MYRFL: variants seen among roughly 807,000 people sequenced by gnomAD.
The protein encoded by MYRFL is myelin regulatory factor like, also known as myelin regulatory factor-like protein.
A neutral mutation model predicts 109.4 loss-of-function variants in MYRFL; 88 were observed. The observed-to-expected ratio is 0.80, with a 90% CI of 0.68 to 0.96. The LOEUF is 0.96. MYRFL is among the 40% of genes least tolerant of loss of function. MYRFL has a pLI of 0.00. For synonymous variants in MYRFL, 324 were observed against 320.9 expected, an observed-to-expected ratio of 1.01 and a Z score of -0.10; for missense variants, 957 against 954.9, an observed-to-expected ratio of 1.00 and a Z score of -0.03.
chr12:69,877,581 G>A (rs1885767293), intron 2 of MYRFL, among the ~76,000 whole-genome samples: 1 of 151,926 alleles, frequency 6.6e-6, no homozygotes, highest in South Asian at 2.1e-4. Context: ...GGTCTGCTGG[G>A]GTCTCTGCTC....
chr12:69,869,229 C>T (rs993565042), intron 2 of MYRFL, among the ~76,000 whole-genome samples: 1 of 152,200 alleles, frequency 6.6e-6, no homozygotes, highest in East Asian at 1.9e-4. Context: ...GGCACCCAGG[C>T]ATTTTTCTTA....
Position 69,897,190 on chromosome 12 carries a change from A to C in MYRFL, c.1126A>C (p.Asn376His), listed in dbSNP as rs1954023779. 5 of 1,535,824 alleles carry C rather than the reference A, an allele frequency of 3.3e-6. No individual in the cohort carries two copies. The highest frequency in any genetic ancestry group is 4.4e-6 in the Non-Finnish European group (5 of 1,146,670). ...GTTGGTGGTTGGACTGTATGCTGCT[A>C]ACCAAGACCAGTTCTATCTGTTGTC... is the stretch of plus-strand genomic sequence containing the variant. ...FMLVVGLYAANQDQFYLLSAH... is the reference protein window; with the variant it reads ...FMLVVGLYAAHQDQFYLLSAH... Residue 376 changes from asparagine (N) to histidine (H), a missense_variant, in exon 10 of 25, where the codon AAC becomes CAC. Transcript: ENST00000552032.
Position 69,850,304 on chromosome 12 carries a change from T to C in MYRFL, c.47-4976T>C, listed in dbSNP as rs553829713. On this transcript the variant is annotated intron_variant, in intron 1 of 24. Transcript: ENST00000552032. ...CTAATACAATCAGTAGGTAGATAGATGGATAGAAATTATCATTATAAGAAA... is the reference window on the plus strand; with the variant it reads ...CTAATACAATCAGTAGGTAGATAGACGGATAGAAATTATCATTATAAGAAA... Among the ~76,000 whole-genome samples, 8 of 152,200 alleles carry C rather than the reference T, an allele frequency of 5.3e-5. No individual in the cohort carries two copies. The East Asian group carries it at 9.6e-4, about 18-fold the overall frequency.
At chr12:69,837,073 C>A (rs61930196) in intron 1 of MYRFL, among the ~76,000 whole-genome samples, 1 of 152,126 alleles carries the variant, frequency 6.6e-6, no homozygotes, top group African/African-American at 2.4e-5. Context: ...AACAAATTGA[C>A]AGATATGCCT....
rs564986498 is a variant in MYRFL at position 69,952,884 on chromosome 12, C to T, written c.2373C>T (p.Cys791=). The T allele has an allele frequency of 6.6e-5, 101 of 1,532,602 alleles. No individual in the cohort carries two copies. In the Middle Eastern group the frequency reaches 1.5e-3, roughly 23 times the overall value. The allele number at this position is 1,532,602 out of a possible 1,614,324, so 94.9% of individuals were successfully genotyped here. A position where few individuals can be genotyped will look rare whatever the true frequency, so the allele number is the denominator to read the frequency against. ...DHQYCIQSLQ[C]GSGNYNYNIP... is the part of the protein sequence containing the mutation. Reference sequence around the variant, plus strand: ...AGTATTGCATTCAAAGCCTCCAGTGCGGGTAGGTAAGCCTCCCCAGCATGC... The same window carrying T: ...AGTATTGCATTCAAAGCCTCCAGTGTGGGTAGGTAAGCCTCCCCAGCATGC... Residue 791 remains cysteine, a splice_region_variant and synonymous_variant, in exon 21 of 25, where the codon TGC becomes TGT. Coordinates refer to ENST00000552032, the MANE Select transcript of MYRFL (RefSeq NM_182530.3).
chr12:69,886,797 C>G lies in MYRFL; in HGVS notation c.557-23C>G, dbSNP rs777265580. On this transcript the variant is annotated intron_variant, in intron 5 of 24. Transcript: ENST00000552032. ...GGAAAAACAGCCTGGAAGGAAGGCT[C>G]TGACGCACCTGTTTCTTTGCAGTGA... is the stretch of plus-strand genomic sequence containing the variant. 15 of 1,535,254 alleles carry G rather than the reference C, an allele frequency of 9.8e-6. No homozygotes were observed. In the South Asian group the frequency reaches 1.4e-4, roughly 15 times the overall value.
At chr12:69,847,384 ATT>A in intron 1 of MYRFL, among the ~76,000 whole-genome samples, 1 of 152,342 alleles carries the variant, frequency 6.6e-6, no homozygotes, top group Middle Eastern at 3.4e-3. Context: ...TTCAACAAAT[ATT>A]GTTTTTTTCA....
At chr12:69,903,488 G>A (rs546889639) in intron 10 of MYRFL, among the ~76,000 whole-genome samples, 156 bp from the exon 11 acceptor site, 5 of 151,864 alleles carry the variant, frequency 3.3e-5, no homozygotes, top group Admixed American at 1.3e-4. Flanking sequence ...CCTGGGCCCC[G>A]GAATTACTTG....
chr12:69,958,875 A>T lies in MYRFL; in HGVS notation c.*344A>T. 1 of 198,954 alleles carries T rather than the reference A, an allele frequency of 5.0e-6. No homozygotes were observed. Among genetic ancestry groups the T allele is most frequent in the Non-Finnish European group, 1.0e-5 (1 of 99,468 alleles). 12.3% of individuals were successfully genotyped at this position (198,954 alleles called of 1,614,324 possible). ...TCTAGCCTCTATTTTGTTTTAATGT[A>T]TTTTAAAGCTTTTGAAAAAACCAAA... On this transcript the variant is annotated 3_prime_UTR_variant, in exon 25 of 25. Transcript: ENST00000552032.
In MYRFL at chr12:69,891,088, G is replaced by T. The variant is rs748214948; in HGVS notation, c.825G>T (p.Trp275Cys). ...HFQITIHIQV[W>C]GSPKFVETEM... The stretch of plus-strand genomic sequence containing the variant: ...AGATAACCATTCACATCCAAGTTTG[G>T]GGAAGTCCAAAATTTGTTGAAACCG... The change falls in exon 7 of 25, where the codon TGG becomes TGT. Residue 275 changes from tryptophan (W) to cysteine (C), a missense_variant. Physicochemically the swap from Trp to Cys is radical, Grantham distance 215. Transcript: ENST00000552032. 1 of 1,534,808 alleles carries T rather than the reference G, an allele frequency of 6.5e-7. No individual in the cohort carries two copies. The highest frequency in any genetic ancestry group is 1.2e-5 in the South Asian group (1 of 83,684).
chr12:69,951,150 G>A (rs1483082257), intron 19 of MYRFL, among the ~76,000 whole-genome samples: 1 of 152,222 alleles, frequency 6.6e-6, no homozygotes, highest in Non-Finnish European at 1.5e-5. Flanking sequence ...CATTGGAAAG[G>A]AGGGATCTGT....
chr12:69,937,780 G>A (rs1161348405), intron 19 of MYRFL, among the ~76,000 whole-genome samples: 1 of 152,120 alleles, frequency 6.6e-6, no homozygotes, highest in African/African-American at 2.4e-5. Flanking sequence ...TGAAATGTTG[G>A]GGTGCAATGT....
intron 9 of MYRFL, among the ~76,000 whole-genome samples, chr12:69,895,814 T>C (rs1953974369): frequency 6.6e-6 from 1 of 152,202 alleles, no homozygotes; most frequent in Non-Finnish European, 1.5e-5. Flanking sequence ...TCTCAACCAG[T>C]GTGCTGATCT....
intron 15 of MYRFL, 45 bp downstream of exon 15, chr12:69,927,793 T>G: frequency 2.0e-6 from 3 of 1,471,380 alleles, no homozygotes; most frequent in Non-Finnish European, 2.7e-6. Flanking sequence ...GTTTTCTACT[T>G]AAAAAGTCTT....
chr12:69,825,972 A>C (rs2136311360), intron 1 of MYRFL, among the ~76,000 whole-genome samples: 1 of 152,232 alleles, frequency 6.6e-6, no homozygotes, highest in Non-Finnish European at 1.5e-5. Flanking sequence ...GAGTATGAGA[A>C]GAAGTGAGGG....
At chr12:69,925,451 C>G (rs2120441866) in intron 13 of MYRFL, among the ~76,000 whole-genome samples, 1 of 152,326 alleles carries the variant, frequency 6.6e-6, no homozygotes, top group South Asian at 2.1e-4. Context: ...AGGCACATAG[C>G]CCTGAGTTTG....
intron 19 of MYRFL, among the ~76,000 whole-genome samples, chr12:69,943,374 C>T (rs1444954312): frequency 2.2e-4 from 32 of 146,088 alleles, no homozygotes; most frequent in Non-Finnish European, 3.2e-4. Context: ...TCAGAAATAA[C>T]GCCGCATATC....
intron 19 of MYRFL, among the ~76,000 whole-genome samples, chr12:69,938,529 C>T (rs1273775862): frequency 1.3e-5 from 2 of 152,128 alleles, no homozygotes; most frequent in Non-Finnish European, 2.9e-5. Flanking sequence ...ACACTAGTGG[C>T]CCCATAAGAT....
intron 20 of MYRFL, 22 bp from the exon 21 acceptor site, chr12:69,952,777 T>C (rs1457917154): frequency 1.4e-6 from 2 of 1,456,756 alleles, no homozygotes; most frequent in African/African-American, 1.4e-5. Context: ...TTATTTACTT[T>C]GTCTATTTCT....
Sources: allele counts gnomAD v4.1 joint callset (sites outside exome capture counted in the v4.1 genomes callset), GRCh38; gene constraint gnomAD v4.1.1; transcripts MANE v1.5; gene names NCBI Gene and HGNC (gene_info 2026-07-23, HGNC 2026-07-21).